DGKB: variants seen among roughly 807,000 people sequenced by gnomAD.
DGKB encodes diacylglycerol kinase beta.
Under a neutral mutation model 114.3 loss-of-function variants are expected in DGKB, and 67 were observed. The ratio of observed to expected loss-of-function variants is 0.59; its 90% CI spans 0.48 to 0.72. DGKB has a LOEUF of 0.72. DGKB is among the 30% of genes least tolerant of loss of function. The pLI, the probability that DGKB is intolerant of heterozygous loss-of-function variation, is 0.00. For missense variants in DGKB, 907 were observed against 975.2 expected (o/e 0.93, Z 0.93); for synonymous variants, 398 against 323.1 (o/e 1.23, Z -2.49).
chr7:14,867,416 C>A (rs1587019849), intron 1 of DGKB, among the ~76,000 whole-genome samples: 2 of 143,252 alleles, frequency 1.4e-5, no homozygotes, highest in East Asian at 4.0e-4. Context: ...AGGTCTATGT[C>A]TAGATGTCTA....
chr7:14,553,098 G>A (rs143318794), intron 20 of DGKB, among the ~76,000 whole-genome samples: 168 of 152,254 alleles, frequency 1.1e-3, no homozygotes, highest in African/African-American at 2.3e-3. Context: ...AATTTGCCAC[G>A]GTCAGCTCAA....
intron 1 of DGKB, among the ~76,000 whole-genome samples, chr7:14,919,622 A>G (rs1170203345): frequency 6.6e-6 from 1 of 152,190 alleles, no homozygotes; most frequent in African/African-American, 2.4e-5. Flanking sequence ...CAACAGACAA[A>G]AAGATAAGTA....
chr7:14,398,094 T>C (rs796534538), intron 21 of DGKB, among the ~76,000 whole-genome samples: 15 of 152,242 alleles, frequency 9.9e-5, no homozygotes, highest in African/African-American at 3.4e-4. Context: ...AAATGCAAGA[T>C]AGATAAATGC....
intron 21 of DGKB, among the ~76,000 whole-genome samples, chr7:14,357,649 C>T (rs1002813438): frequency 3.3e-5 from 5 of 152,126 alleles, no homozygotes; most frequent in Non-Finnish European, 7.4e-5. Flanking sequence ...ATGATGTTAG[C>T]TGGTTATTTT....
intron 1 of DGKB, among the ~76,000 whole-genome samples, chr7:14,845,745 G>C (rs1211022998): frequency 6.6e-6 from 1 of 151,848 alleles, no homozygotes; most frequent in Non-Finnish European, 1.5e-5. Flanking sequence ...AGAAAATAGT[G>C]CATAAAGGAG....
At chr7:14,569,573 C>T (rs1798073948) in intron 20 of DGKB, among the ~76,000 whole-genome samples, 1 of 152,094 alleles carries the variant, frequency 6.6e-6, no homozygotes, top group South Asian at 2.1e-4. Flanking sequence ...ATACTAAGTT[C>T]CAATATGTGT....
At chr7:14,867,086 A>G (rs754449621) in intron 1 of DGKB, among the ~76,000 whole-genome samples, 2 of 152,046 alleles carry the variant, frequency 1.3e-5, no homozygotes, top group African/African-American at 4.8e-5. Flanking sequence ...ATTCGTTTCC[A>G]TATTGTTGAG....
In DGKB at chr7:14,736,143, C is replaced by T. The variant is rs1199827628; in HGVS notation, c.220G>A (p.Glu74Lys). The change falls in exon 5 of 26, where the codon GAG becomes AAG. Residue 74 changes from glutamate to lysine, a missense_variant. Physicochemically the swap from Glu to Lys is moderately conservative, Grantham distance 56 (BLOSUM62 1). This residue lies in a region of DGKB where 814 missense variants were observed against 856.6 expected (regional missense o/e 0.95). Coordinates refer to ENST00000402815, the MANE Select transcript of DGKB (RefSeq NM_001350709.2). ...TGTGCAGTGAAATCATCAGGAAGCTCGGCTTCCAGGAATGTCTTCATGAAT... is the reference window on the plus strand; with the variant it reads ...TGTGCAGTGAAATCATCAGGAAGCTTGGCTTCCAGGAATGTCTTCATGAAT... The part of the protein sequence containing the change: ...KLFMKTFLEA[E>K]LPDDFTAHLF... The T allele has an allele frequency of 3.7e-6, 6 of 1,606,836 alleles. No individual in the cohort carries two copies. Among genetic ancestry groups the T allele is most frequent in the Non-Finnish European group, 5.1e-6 (6 of 1,174,496 alleles).
intron 23 of DGKB, among the ~76,000 whole-genome samples, chr7:14,198,529 G>A (rs544701286): frequency 6.6e-6 from 1 of 151,980 alleles, no homozygotes; most frequent in Non-Finnish European, 1.5e-5. Flanking sequence ...ATAATGGGCT[G>A]CATTATAGAA....
intron 15 of DGKB, among the ~76,000 whole-genome samples, chr7:14,614,102 A>C (rs1435172840): frequency 6.6e-6 from 1 of 152,202 alleles, no homozygotes; most frequent in East Asian, 1.9e-4. Context: ...ATCACAACTC[A>C]GCTCTCAGTT....
intron 1 of DGKB, among the ~76,000 whole-genome samples, chr7:14,875,214 G>A (rs192862216): frequency 3.3e-5 from 5 of 150,192 alleles, no homozygotes; most frequent in East Asian, 3.9e-4. Flanking sequence ...AAGAAATGAA[G>A]CTGTCTCTAT....
chr7:14,573,337 G>A (rs1365707078), intron 20 of DGKB, among the ~76,000 whole-genome samples: 3 of 151,956 alleles, frequency 2.0e-5, no homozygotes, highest in Non-Finnish European at 2.9e-5. Context: ...AACCAGCATG[G>A]CACAGATAAA....
chr7:14,317,070 G>C (rs201194309), intron 23 of DGKB, among the ~76,000 whole-genome samples: 3,473 of 63,682 alleles, frequency 0.055, 115 homozygotes, highest in East Asian at 0.083. Context: ...AAAGGCCTTT[G>C]ACAAAATTCA....
intron 23 of DGKB, among the ~76,000 whole-genome samples, chr7:14,232,346 T>G (rs1792020302): frequency 6.7e-6 from 1 of 149,696 alleles, no homozygotes; most frequent in Non-Finnish European, 1.5e-5. Context: ...CGAAATTCCT[T>G]GCCCACAAAA....
chr7:14,165,763 C>G (rs1784531332), intron 25 of DGKB, among the ~76,000 whole-genome samples: 1 of 152,164 alleles, frequency 6.6e-6, no homozygotes, highest in Admixed American at 6.5e-5. Context: ...AAAACAATCT[C>G]TTCTTACAAT....
intron 23 of DGKB, among the ~76,000 whole-genome samples, chr7:14,280,384 T>C (rs965676844): frequency 5.9e-5 from 9 of 152,070 alleles, no homozygotes; most frequent in Non-Finnish European, 7.4e-5. Context: ...CTACGTCTGA[T>C]TGGTGTACCT....
intron 20 of DGKB, among the ~76,000 whole-genome samples, chr7:14,520,944 C>T (rs1789669834): frequency 6.6e-6 from 1 of 152,028 alleles, no homozygotes; most frequent in African/African-American, 2.4e-5. Context: ...CCAATTTCAT[C>T]ATCATTAGAC....
At chr7:14,467,295 G>A (rs147596148) in intron 21 of DGKB, among the ~76,000 whole-genome samples, 1 of 150,124 alleles carries the variant, frequency 6.7e-6, no homozygotes, top group African/African-American at 2.4e-5. Context: ...AATTTTAAAT[G>A]TTAATTCCAC....
At chr7:14,223,907 ACTT>A (rs1235172259) in intron 23 of DGKB, among the ~76,000 whole-genome samples, 1 of 151,390 alleles carries the variant, frequency 6.6e-6, no homozygotes, top group Non-Finnish European at 1.5e-5. Flanking sequence ...AGTGGGGGTT[ACTT>A]CTTGCTGTTT....
Sources: allele counts gnomAD v4.1 joint callset (sites outside exome capture counted in the v4.1 genomes callset), GRCh38; gene constraint gnomAD v4.1.1; regional missense constraint gnomAD v4.1.1; transcripts MANE v1.5; gene names NCBI Gene and HGNC (gene_info 2026-07-23, HGNC 2026-07-21).